Variants in COLQ observed in about 807,000 individuals in gnomAD.
COLQ encodes the protein collagen like tail subunit of asymmetric acetylcholinesterase.
Under a neutral mutation model 69.0 loss-of-function variants are expected in COLQ, and 48 were observed. That is an observed-to-expected ratio of 0.70 (90% CI 0.55 to 0.88). The LOEUF is 0.88. Ranked by LOEUF, COLQ falls within the 40% of genes least tolerant of loss-of-function variation. COLQ has a pLI of 0.00. For synonymous variants in COLQ, 217 were observed against 211.2 expected (o/e 1.03, Z -0.24); for missense variants, 618 against 594.6 (o/e 1.04, Z -0.41).
At chr3:15,509,369 T>C (rs1232209135) in intron 1 of COLQ, among the ~76,000 whole-genome samples, 3 of 152,198 alleles carry the variant, frequency 2.0e-5, no homozygotes, top group Non-Finnish European at 4.4e-5. Context: ...TGCATAGAGC[T>C]GCCCAATTTC....
intron 16 of COLQ, among the ~76,000 whole-genome samples, chr3:15,452,347 G>A (rs753783067): frequency 1.3e-5 from 2 of 152,162 alleles, no homozygotes; most frequent in African/African-American, 2.4e-5. Context: ...AATTACAGGC[G>A]TGAGTCACAG....
intron 3 of COLQ, among the ~76,000 whole-genome samples, chr3:15,481,805 A>G (rs891026186): frequency 2.8e-4 from 42 of 152,194 alleles, no homozygotes; most frequent in Non-Finnish European, 5.7e-4. Context: ...TACCTTGGGC[A>G]GTATGGCCAT....
chr3:15,498,489 G>T, intron 1 of COLQ: 1 of 1,399,134 alleles, frequency 7.1e-7, no homozygotes. Context: ...ACACACACGT[G>T]CACACACGCA....
intron 3 of COLQ, among the ~76,000 whole-genome samples, chr3:15,481,151 G>T (rs2062477034): frequency 1.3e-5 from 2 of 152,206 alleles, no homozygotes; most frequent in African/African-American, 2.4e-5. Context: ...CATTCTGTAG[G>T]TTGCCTGTTC....
intron 2 of COLQ, among the ~76,000 whole-genome samples, chr3:15,489,229 T>C (rs1267713222): frequency 1.3e-5 from 2 of 152,112 alleles, no homozygotes; most frequent in Admixed American, 1.3e-4. Context: ...ACCCAGGAAG[T>C]TATATTATAA....
chr3:15,510,926 G>A (rs2062977547), intron 1 of COLQ, among the ~76,000 whole-genome samples: 1 of 152,124 alleles, frequency 6.6e-6, no homozygotes, highest in Non-Finnish European at 1.5e-5. Flanking sequence ...CTCAGCTAAT[G>A]GGTTACGGAG....
At chr3:15,470,399 C>T (rs1253149709) in intron 11 of COLQ, 137 bp downstream of exon 11, 1 of 806,906 alleles carries the variant, frequency 1.2e-6, no homozygotes, top group Non-Finnish European at 2.2e-6. Context: ...TGGTGCTGCT[C>T]CCGTCTGCTA....
At chr3:15,518,635 G>A (rs1362740974) in intron 1 of COLQ, among the ~76,000 whole-genome samples, 1 of 152,206 alleles carries the variant, frequency 6.6e-6, no homozygotes, top group Non-Finnish European at 1.5e-5. Context: ...TGGCACTGCT[G>A]GAATAGTCTT....
intron 1 of COLQ, among the ~76,000 whole-genome samples, chr3:15,492,872 C>T (rs1356102985): frequency 3.3e-5 from 5 of 152,158 alleles, no homozygotes; most frequent in African/African-American, 1.2e-4. Context: ...ACCAAAAATA[C>T]CTTGAAAATT....
intron 3 of COLQ, among the ~76,000 whole-genome samples, chr3:15,483,518 T>C (rs200711039): frequency 1.3e-5 from 2 of 152,104 alleles, no homozygotes; most frequent in Non-Finnish European, 2.9e-5. Context: ...TGTAGTTGAG[T>C]GGTTTTGAGT....
Position 15,515,989 on chromosome 3 carries a change from G to A in COLQ, c.106+5531C>T, listed in dbSNP as rs377000590. ...GAGTGTGGCAAACAGTAAGGTGGGG[G>A]GTTGGCCCAACTTATCAGAAGGGAA... On this transcript the variant is annotated intron_variant, in intron 1 of 16. Transcript: ENST00000383788. Among the ~76,000 whole-genome samples the A allele has an allele frequency of 3.1e-4, 47 of 152,224 alleles. 1 individual carries two copies. The highest frequency in any genetic ancestry group is 1.0e-3 in the Admixed American group (16 of 15,292).
chr3:15,489,667 A>G (rs200107972), intron 1 of COLQ, 30 bp from the exon 2 acceptor site: 2 of 1,602,942 alleles, frequency 1.2e-6, no homozygotes, highest in Non-Finnish European at 1.7e-6. Flanking sequence ...GCTCGTTAGC[A>G]TGTGGTCAGT....
chr3:15,488,579 T>C (rs1014604562), intron 2 of COLQ, among the ~76,000 whole-genome samples: 6 of 152,176 alleles, frequency 3.9e-5, no homozygotes, highest in African/African-American at 1.4e-4. Context: ...CTATCCAATG[T>C]GTAGGTTAGC....
intron 12 of COLQ, among the ~76,000 whole-genome samples, chr3:15,465,330 G>A (rs12639085): frequency 0.47 from 70,178 of 148,870 alleles, 16,857 homozygotes; most frequent in East Asian, 0.62. Flanking sequence ...GCAGTTGCGC[G>A]ATCTCGACTC....
chr3:15,481,289 C>A (rs2062479612), intron 3 of COLQ, among the ~76,000 whole-genome samples: 1 of 152,130 alleles, frequency 6.6e-6, no homozygotes, highest in Non-Finnish European at 1.5e-5. Flanking sequence ...ATGCCTATGT[C>A]CTGAATGGTA....
rs764737302 is a variant in COLQ at position 15,470,573 on chromosome 3, C to T, written c.680G>A (p.Arg227Gln). The T allele has an allele frequency of 4.3e-6, 7 of 1,613,960 alleles. No homozygotes were observed. Among genetic ancestry groups the T allele is most frequent in the African/African-American group, 4.0e-5 (3 of 74,914 alleles). Residue 227 changes from arginine to glutamine, a missense_variant, in exon 11 of 17, where the codon CGA becomes CAA. By Grantham distance (43) the Arg-to-Gln change is conservative (BLOSUM62 1). Transcript: ENST00000383788. Reference sequence around the variant, plus strand: ...TTTTCCTGGTCTTCCTGTGGGTCCTCGGTGTCCTGCTATCCCAGGTTCACC... The same window carrying T: ...TTTTCCTGGTCTTCCTGTGGGTCCTTGGTGTCCTGCTATCCCAGGTTCACC... Reference protein sequence around the residue: ...PKGEPGIAGHRGPTGRPGKRG... With the variant: ...PKGEPGIAGHQGPTGRPGKRG...
intron 6 of COLQ, 80 bp downstream of exon 6, chr3:15,477,046 G>C: frequency 7.6e-7 from 1 of 1,316,180 alleles, no homozygotes; most frequent in Non-Finnish European, 1.1e-6. Context: ...CCCTGACTAT[G>C]TGCCAGGAGC....
chr3:15,466,320 G>A (rs1346436374), intron 12 of COLQ, 21 bp downstream of exon 12: 2 of 1,567,734 alleles, frequency 1.3e-6, no homozygotes, highest in South Asian at 1.1e-5. Context: ...AGTGGATCAA[G>A]TGAAGCAGTG....
chr3:15,480,160 G>GA (rs1451274914), intron 3 of COLQ, among the ~76,000 whole-genome samples: 13 of 152,154 alleles, frequency 8.5e-5, no homozygotes, highest in African/African-American at 3.1e-4. Context: ...CATGCATAGT[G>GA]CAAAGCCTGT....
Sources: gnomAD v4.1 joint callset for allele counts (sites outside exome capture counted in the v4.1 genomes callset) on GRCh38, gnomAD v4.1.1 for gene constraint, MANE v1.5 for transcripts, NCBI Gene and HGNC (gene_info 2026-07-23, HGNC 2026-07-21) for gene names.